Variants in FGD6 observed in about 807,000 individuals in gnomAD.
The protein encoded by FGD6 is FYVE, RhoGEF and PH domain-containing protein 6.
Under a neutral mutation model 149.4 loss-of-function variants are expected in FGD6, and 90 were observed. The observed-to-expected ratio is 0.60, with a 90% CI of 0.51 to 0.72. The LOEUF is 0.72. Ranked by LOEUF, FGD6 falls within the 30% of genes least tolerant of loss-of-function variation. The probability of loss-of-function intolerance (pLI) is 0.00; values close to 1 mark genes in which losing one functional copy is unlikely to be tolerated. For missense variants in FGD6, 1,437 were observed against 1,684.8 expected, an observed-to-expected ratio of 0.85 and a Z score of 2.57; for synonymous variants, 527 against 584.0, an observed-to-expected ratio of 0.90 and a Z score of 1.41.
At chr12:95,176,582 C>A (rs547550092) in intron 2 of FGD6, among the ~76,000 whole-genome samples, 1 of 152,126 alleles carries the variant, frequency 6.6e-6, no homozygotes, top group African/African-American at 2.4e-5. Context: ...ACAAGTAAAG[C>A]CAGACTTAAA....
chr12:95,136,800 G>A (rs1470697322), intron 7 of FGD6, among the ~76,000 whole-genome samples: 3 of 152,212 alleles, frequency 2.0e-5, no homozygotes, highest in Non-Finnish European at 2.9e-5. Context: ...TGGGAGGGAA[G>A]AGAGAATAGA....
intron 14 of FGD6, among the ~76,000 whole-genome samples, chr12:95,103,768 C>G (rs1485035846): frequency 6.6e-6 from 1 of 152,168 alleles, no homozygotes. Context: ...AACTCCTGAC[C>G]TCAGGTGATC....
Position 95,160,180 on chromosome 12 carries a change from ATT to A in FGD6, c.2587-7189_2587-7188del, listed in dbSNP as rs565578358. The stretch of plus-strand genomic sequence containing the variant: ...GGTAACAAAGCAAGACCTCATTTCT[ATT>A]TTTTTTTTAATTAAAAAAAGAGATA... On this transcript the variant is annotated intron_variant, in intron 3 of 20. Coordinates refer to ENST00000343958, the MANE Select transcript of FGD6 (RefSeq NM_018351.4). Among the ~76,000 whole-genome samples, 36 of 149,396 alleles carry A rather than the reference ATT, an allele frequency of 2.4e-4. No homozygotes were observed. In the South Asian group the frequency reaches 5.7e-3, roughly 24 times the overall value.
chr12:95,136,017 T>C (rs1031284351), intron 7 of FGD6, among the ~76,000 whole-genome samples: 2 of 152,174 alleles, frequency 1.3e-5, no homozygotes, highest in Non-Finnish European at 2.9e-5. Flanking sequence ...AATTTAATTA[T>C]TTGTCTATTG....
intron 2 of FGD6, among the ~76,000 whole-genome samples, chr12:95,198,650 A>T (rs537886788): frequency 6.6e-6 from 1 of 152,292 alleles, no homozygotes; most frequent in African/African-American, 2.4e-5. Context: ...CGTGTTAGCC[A>T]GGATGTTCTC....
chr12:95,160,087 G>A (rs1880591975), intron 3 of FGD6, among the ~76,000 whole-genome samples: 1 of 151,830 alleles, frequency 6.6e-6, no homozygotes, highest in Non-Finnish European at 1.5e-5. Flanking sequence ...GCTCACGCTT[G>A]TAACCCTAGC....
At chr12:95,188,801 CTT>C (rs35319794) in intron 2 of FGD6, among the ~76,000 whole-genome samples, 1 of 146,720 alleles carries the variant, frequency 6.8e-6, no homozygotes, top group Non-Finnish European at 1.5e-5. Flanking sequence ...TTAAAAACAA[CTT>C]TTTTTTTTTT....
Position 95,079,878 on chromosome 12 carries a change from A to G in FGD6, c.*1642T>C. On this transcript the variant is annotated 3_prime_UTR_variant, in exon 21 of 21. Coordinates refer to ENST00000343958, the MANE Select transcript of FGD6 (RefSeq NM_018351.4). Reference sequence around the variant, plus strand: ...ATCACACTGAATTAGGAAATCCTTTATTTAGAGGCAGAAAGGAAAATTCTT... The same window carrying G: ...ATCACACTGAATTAGGAAATCCTTTGTTTAGAGGCAGAAAGGAAAATTCTT... 1 of 151,876 alleles carries G rather than the reference A, an allele frequency of 6.6e-6. No homozygotes were observed. Among genetic ancestry groups the G allele is most frequent in the East Asian group, 1.9e-4 (1 of 5,186 alleles). 9.4% of individuals were successfully genotyped at this position (151,876 alleles called of 1,614,324 possible).
At chr12:95,111,799 A>T (rs938035122) in intron 9 of FGD6, among the ~76,000 whole-genome samples, 6 of 152,054 alleles carry the variant, frequency 3.9e-5, no homozygotes, top group African/African-American at 1.4e-4. Context: ...CTTTTCCTTT[A>T]AAAAAAACCG....
At chr12:95,148,756 CAT>C (rs1338395968) in intron 5 of FGD6, among the ~76,000 whole-genome samples, 1 of 83,810 alleles carries the variant, frequency 1.2e-5, no homozygotes, top group African/African-American at 5.2e-5. Context: ...TAATACATAG[CAT>C]ATGTTATATT....
At chr12:95,171,111 T>G (rs993074833) in intron 3 of FGD6, among the ~76,000 whole-genome samples, 4 of 152,208 alleles carry the variant, frequency 2.6e-5, no homozygotes, top group Admixed American at 6.6e-5. Flanking sequence ...TATTCTTTTT[T>G]TTATCTATAA....
At chr12:95,175,015 G>A (rs1881095421) in intron 2 of FGD6, among the ~76,000 whole-genome samples, 1 of 151,912 alleles carries the variant, frequency 6.6e-6, no homozygotes, top group Admixed American at 6.6e-5. Flanking sequence ...CATTTGGAAG[G>A]CTATTATTAA....
intron 19 of FGD6, 30 bp from the exon 20 acceptor site, chr12:95,084,676 G>C (rs1016472834): frequency 2.0e-6 from 3 of 1,531,956 alleles, no homozygotes; most frequent in Non-Finnish European, 2.6e-6. Context: ...ATGGAGAAAA[G>C]TTTTTAGATT....
At chr12:95,132,206 A>T (rs746041968) in intron 8 of FGD6, among the ~76,000 whole-genome samples, 7 of 152,146 alleles carry the variant, frequency 4.6e-5, no homozygotes, top group Non-Finnish European at 7.3e-5. Context: ...GCTGAAGTGC[A>T]GTAGCATGAC....
At chr12:95,150,998 T>C (rs1038620387) in intron 5 of FGD6, among the ~76,000 whole-genome samples, 4 of 151,654 alleles carry the variant, frequency 2.6e-5, no homozygotes, top group Non-Finnish European at 5.9e-5. Context: ...GAGGCTGAGA[T>C]GGGAGGATCG....
intron 2 of FGD6, among the ~76,000 whole-genome samples, chr12:95,180,372 AT>A (rs5800188): frequency 0.71 from 79,420 of 112,298 alleles, 28,056 homozygotes; most frequent in East Asian, 0.94. Context: ...TAAAAGACAG[AT>A]TTTTTTTTTT....
chr12:95,212,348 T>C (rs2056732114), intron 1 of FGD6, among the ~76,000 whole-genome samples: 1 of 152,226 alleles, frequency 6.6e-6, no homozygotes, highest in Non-Finnish European at 1.5e-5. Context: ...ATTTCTAGTG[T>C]AGCAATTCTT....
chr12:95,118,515 G>A lies in FGD6; in HGVS notation c.3083-4814C>T, dbSNP rs2136247142. Among the ~76,000 whole-genome samples, 5 of 152,262 alleles carry A rather than the reference G, an allele frequency of 3.3e-5. No homozygotes were observed. In the South Asian group the frequency reaches 1.0e-3, roughly 32 times the overall value. ...AACTTAGAGCAGAAACTAGTCGGAA[G>A]TCCTGTTAACCATTAATAAAAATTA... On this transcript the variant is annotated intron_variant, in intron 8 of 20. Transcript: ENST00000343958.
At chr12:95,130,929 C>T (rs1183639301) in intron 8 of FGD6, among the ~76,000 whole-genome samples, 1 of 152,112 alleles carries the variant, frequency 6.6e-6, no homozygotes, top group Non-Finnish European at 1.5e-5. Flanking sequence ...TATTGACCTG[C>T]AAGGTTATAG....
Sources: allele counts gnomAD v4.1 joint callset (sites outside exome capture counted in the v4.1 genomes callset), GRCh38; gene constraint gnomAD v4.1.1; transcripts MANE v1.5; gene names NCBI Gene and HGNC (gene_info 2026-07-23, HGNC 2026-07-21).